PDE4D: variants seen among roughly 807,000 people sequenced by gnomAD.
The protein encoded by PDE4D is phosphodiesterase 4D.
A neutral mutation model predicts 87.4 loss-of-function variants in PDE4D; 24 were observed. That is an observed-to-expected ratio of 0.27 (90% CI 0.20 to 0.39). PDE4D has a LOEUF of 0.39. Among genes scored for constraint, PDE4D ranks in the 10% least tolerant of loss-of-function variants. PDE4D has a pLI of 1.00. For synonymous variants in PDE4D, 384 were observed against 383.2 expected, an observed-to-expected ratio of 1.00 and a Z score of -0.02; for missense variants, 714 against 1,041.0, an observed-to-expected ratio of 0.69 and a Z score of 4.32.
At chr5:59,684,983 T>C (rs1334260038) in intron 1 of PDE4D, among the ~76,000 whole-genome samples, 4 of 152,346 alleles carry the variant, frequency 2.6e-5, no homozygotes, top group South Asian at 4.1e-4. Context: ...TACAAGGGCA[T>C]TTCCTAAAAT....
At chr5:60,431,749 C>T (rs1023181986) in intron 1 of PDE4D, among the ~76,000 whole-genome samples, 1 of 152,144 alleles carries the variant, frequency 6.6e-6, no homozygotes, top group African/African-American at 2.4e-5. Context: ...TGTAGCGAGC[C>T]GAGATCACAC....
chr5:59,049,695 A>G (rs1761246365), intron 5 of PDE4D, among the ~76,000 whole-genome samples: 1 of 152,144 alleles, frequency 6.6e-6, no homozygotes, highest in South Asian at 2.1e-4. Flanking sequence ...TATTATCAAT[A>G]TTTTTCACTC....
intron 1 of PDE4D, among the ~76,000 whole-genome samples, chr5:59,596,854 A>G (rs1323654365): frequency 6.6e-6 from 1 of 152,110 alleles, no homozygotes; most frequent in African/African-American, 2.4e-5. Flanking sequence ...AATCAGTTCA[A>G]GGTGGGGTTG....
intron 1 of PDE4D, among the ~76,000 whole-genome samples, chr5:60,508,754 A>G (rs1337063724): frequency 6.6e-6 from 1 of 152,176 alleles, no homozygotes; most frequent in Non-Finnish European, 1.5e-5. Flanking sequence ...GTGTGTTTCT[A>G]TTTAAAGATA....
intron 1 of PDE4D, among the ~76,000 whole-genome samples, chr5:59,283,082 T>C (rs1161466370): frequency 2.0e-5 from 3 of 152,142 alleles, no homozygotes; most frequent in African/African-American, 7.2e-5. Flanking sequence ...TTTCCTCAGC[T>C]ATAAAATGGA....
At chr5:59,177,898 C>T (rs1011689334) in intron 5 of PDE4D, among the ~76,000 whole-genome samples, 1 of 152,098 alleles carries the variant, frequency 6.6e-6, no homozygotes, top group African/African-American at 2.4e-5. Context: ...AGGTCTGACC[C>T]CTATCAACAG....
intron 2 of PDE4D, among the ~76,000 whole-genome samples, chr5:60,087,242 C>A (rs1293914464): frequency 1.3e-5 from 2 of 152,172 alleles, no homozygotes; most frequent in Non-Finnish European, 2.9e-5. Flanking sequence ...ATTGAAGTTT[C>A]ATTACTAAGG....
intron 1 of PDE4D, among the ~76,000 whole-genome samples, chr5:60,414,985 G>C (rs1054462695): frequency 6.6e-6 from 1 of 152,206 alleles, no homozygotes; most frequent in African/African-American, 2.4e-5. Flanking sequence ...TTTGCCATTG[G>C]GCAGACCCAC....
intron 2 of PDE4D, among the ~76,000 whole-genome samples, chr5:60,098,556 T>G (rs1193445186): frequency 6.6e-6 from 1 of 152,026 alleles, no homozygotes; most frequent in Non-Finnish European, 1.5e-5. Context: ...ACGGACTGTC[T>G]TTGTAATTTC....
intron 1 of PDE4D, among the ~76,000 whole-genome samples, chr5:59,885,900 T>C (rs1369637064): frequency 2.0e-5 from 3 of 152,232 alleles, no homozygotes; most frequent in Non-Finnish European, 4.4e-5. Flanking sequence ...TAGACCTTTT[T>C]GGCTCAAGTC....
At chr5:59,513,275 C>A (rs1200576956) in intron 1 of PDE4D, among the ~76,000 whole-genome samples, 1 of 151,948 alleles carries the variant, frequency 6.6e-6, no homozygotes, top group East Asian at 1.9e-4. Flanking sequence ...AAAGAATGAT[C>A]AAAGCTTAGA....
chr5:59,190,939 G>T (rs929592514), intron 3 of PDE4D, among the ~76,000 whole-genome samples: 1 of 151,960 alleles, frequency 6.6e-6, no homozygotes, highest in Admixed American at 6.6e-5. Context: ...AAAAAAAATC[G>T]GCAGCCTCTC....
intron 1 of PDE4D, among the ~76,000 whole-genome samples, chr5:60,283,415 G>T (rs1477102715): frequency 1.3e-5 from 2 of 152,090 alleles, no homozygotes; most frequent in Admixed American, 1.3e-4. Context: ...TTAGTTTCAT[G>T]AACTGTCTGC....
chr5:59,038,879 T>C lies in PDE4D; in HGVS notation c.901A>G (p.Ser301Gly), dbSNP rs1759060760. 3 of 1,581,406 alleles carry C rather than the reference T, an allele frequency of 1.9e-6. No homozygotes were observed. Among genetic ancestry groups the C allele is most frequent in the Non-Finnish European group, 2.6e-6 (3 of 1,163,806 alleles). The change falls in exon 6 of 15, where the codon AGT becomes GGT. Residue 301 changes from serine to glycine, a missense_variant. Around this residue, in one of 7 missense-constraint regions of PDE4D, gnomAD observed 90 missense variants for 177.6 expected, o/e 0.51. Transcript: ENST00000340635. ...LETLQTRHSV[S>G]EMASNKFKRM... ...CTTACCTTGTTGGAGGCCATCTCACTGACGGAGTGCCTGGTCTGTAGGGTC... is the reference window on the plus strand; with the variant it reads ...CTTACCTTGTTGGAGGCCATCTCACCGACGGAGTGCCTGGTCTGTAGGGTC...
At chr5:59,740,615 T>C (rs901349255) in intron 1 of PDE4D, among the ~76,000 whole-genome samples, 2 of 152,132 alleles carry the variant, frequency 1.3e-5, no homozygotes, top group Non-Finnish European at 2.9e-5. Flanking sequence ...TGAATGAAAA[T>C]AGAGATAAAC....
In PDE4D at chr5:59,755,615, T is replaced by C. The variant is rs1271645157; in HGVS notation, c.455+137553A>G. ...GTGCATTATCAGCCTGCAATTCATA[T>C]ATATTTTAGTTATTAGTATCCATAA... On this transcript the variant is annotated intron_variant, in intron 1 of 14. Coordinates refer to ENST00000340635, the MANE Select transcript of PDE4D (RefSeq NM_001104631.2). Among the ~76,000 whole-genome samples, 2 of 152,228 alleles carry C rather than the reference T, an allele frequency of 1.3e-5. 1 individual carries two copies. The highest frequency in any genetic ancestry group is 4.8e-5 in the African/African-American group (2 of 41,564).
At chr5:59,411,374 G>A (rs1298893440) in intron 1 of PDE4D, among the ~76,000 whole-genome samples, 1 of 152,132 alleles carries the variant, frequency 6.6e-6, no homozygotes, top group Non-Finnish European at 1.5e-5. Context: ...CATTTGACAA[G>A]AGGGCTTTCA....
chr5:59,161,731 T>C (rs1470616505), intron 5 of PDE4D, among the ~76,000 whole-genome samples: 1 of 152,230 alleles, frequency 6.6e-6, no homozygotes, highest in Non-Finnish European at 1.5e-5. Context: ...TTTACAACTG[T>C]TAGCGAAAAG....
intron 1 of PDE4D, among the ~76,000 whole-genome samples, chr5:59,859,787 T>G (rs1745986518): frequency 6.6e-6 from 1 of 152,180 alleles, no homozygotes; most frequent in Non-Finnish European, 1.5e-5. Flanking sequence ...GAGCCCAAGG[T>G]AATCAGGGAA....
Sources: gnomAD v4.1 joint callset for allele counts (sites outside exome capture counted in the v4.1 genomes callset) on GRCh38, gnomAD v4.1.1 for gene constraint, gnomAD v4.1.1 regional missense constraint, MANE v1.5 for transcripts, NCBI Gene and HGNC (gene_info 2026-07-23, HGNC 2026-07-21) for gene names.